Variants in EYS observed in about 807,000 individuals in gnomAD.
The protein encoded by EYS is EGF-like photoreceptor maintenance factor.
In EYS, 250 loss-of-function variants were observed where a neutral mutation model predicts 282.1. That is an observed-to-expected ratio of 0.89 (90% confidence interval 0.80 to 0.98). EYS has a LOEUF of 0.98. Among genes scored for constraint, EYS ranks in the 50% least tolerant of loss-of-function variants. The pLI is 0.00. For synonymous variants in EYS, 1,355 were observed against 1,282.9 expected (o/e 1.06, Z -1.20); for missense variants, 4,016 against 3,709.0 (o/e 1.08, Z -2.15).
intron 12 of EYS, among the ~76,000 whole-genome samples, chr6:65,150,849 TTCTA>T (rs1764595337): frequency 6.6e-6 from 1 of 151,988 alleles, no homozygotes; most frequent in African/African-American, 2.4e-5. Context: ...TTATTACCAA[TTCTA>T]TCTATTTGCT....
At chr6:64,237,158 C>T (rs1766635934) in intron 30 of EYS, among the ~76,000 whole-genome samples, 1 of 152,078 alleles carries the variant, frequency 6.6e-6, no homozygotes, top group Non-Finnish European at 1.5e-5. Flanking sequence ...AAACTAGAAA[C>T]TTGCTGTTGT....
chr6:65,428,828 T>C (rs1767762154), intron 5 of EYS, among the ~76,000 whole-genome samples: 1 of 152,252 alleles, frequency 6.6e-6, no homozygotes, highest in Admixed American at 6.5e-5. Context: ...AGAAACACTG[T>C]GCTTCATTGC....
At chr6:64,589,655 T>A (rs753468922) in intron 26 of EYS, among the ~76,000 whole-genome samples, 1 of 152,072 alleles carries the variant, frequency 6.6e-6, no homozygotes, top group South Asian at 2.1e-4. Context: ...ACAGATATTA[T>A]CTCCTTCAAT....
At chr6:64,616,064 G>A (rs1351271849) in intron 24 of EYS, among the ~76,000 whole-genome samples, 1 of 152,036 alleles carries the variant, frequency 6.6e-6, no homozygotes, top group Non-Finnish European at 1.5e-5. Context: ...AAATTTTATA[G>A]ATATTTGGTA....
chr6:64,896,910 C>T (rs1431735218), intron 18 of EYS, among the ~76,000 whole-genome samples: 3 of 152,144 alleles, frequency 2.0e-5, no homozygotes, highest in South Asian at 2.1e-4. Context: ...CTCTAGATAC[C>T]TCCTCTCTGG....
chr6:64,213,632 A>C (rs147622993), intron 31 of EYS, among the ~76,000 whole-genome samples: 76 of 152,308 alleles, frequency 5.0e-4, no homozygotes, highest in African/African-American at 1.8e-3. Context: ...CTTTGAATTA[A>C]ATGTAGATAA....
At chr6:64,936,983 T>G (rs1330716605) in intron 15 of EYS, among the ~76,000 whole-genome samples, 2 of 151,416 alleles carry the variant, frequency 1.3e-5, no homozygotes, top group Non-Finnish European at 3.0e-5. Flanking sequence ...GAATAGAGGG[T>G]CTAGAAATCC....
chr6:64,877,507 G>A (rs978909327), intron 19 of EYS, among the ~76,000 whole-genome samples: 3 of 152,166 alleles, frequency 2.0e-5, no homozygotes, highest in Non-Finnish European at 4.4e-5. Context: ...TCCACTAATA[G>A]TAAGAGAAAA....
chr6:64,451,598 CA>C (rs1775347195), intron 26 of EYS, among the ~76,000 whole-genome samples: 1 of 152,056 alleles, frequency 6.6e-6, no homozygotes. Context: ...AACATTGATG[CA>C]AAAATCCTCA....
intron 14 of EYS, among the ~76,000 whole-genome samples, chr6:64,951,345 T>C (rs1769502154): frequency 1.3e-5 from 2 of 152,028 alleles, no homozygotes; most frequent in South Asian, 2.1e-4. Context: ...TTTAACGGCA[T>C]GAAAACCATA....
chr6:65,325,053 C>T (rs955121718), intron 11 of EYS, among the ~76,000 whole-genome samples: 8 of 152,184 alleles, frequency 5.3e-5, no homozygotes, highest in African/African-American at 1.9e-4. Flanking sequence ...GCACCATTGG[C>T]ACAGGTACAC....
chr6:65,592,838 A>G (rs1331201), intron 2 of EYS, among the ~76,000 whole-genome samples: 1,964 of 152,120 alleles, frequency 0.013, 43 homozygotes, highest in African/African-American at 0.045. Flanking sequence ...TGAGCAGTAC[A>G]ACATGTTTAT....
intron 35 of EYS, among the ~76,000 whole-genome samples, chr6:63,891,697 C>A (rs1039231058): frequency 6.6e-6 from 1 of 152,156 alleles, no homozygotes; most frequent in Non-Finnish European, 1.5e-5. Context: ...CTCTCTTTCA[C>A]CATTCCATTT....
intron 31 of EYS, among the ~76,000 whole-genome samples, chr6:64,091,111 A>G (rs1772343076): frequency 6.6e-6 from 1 of 152,166 alleles, no homozygotes; most frequent in South Asian, 2.1e-4. Flanking sequence ...TTGAACATTC[A>G]TTAATTTTGA....
intron 35 of EYS, among the ~76,000 whole-genome samples, chr6:63,940,101 TC>T (rs1765188090): frequency 6.6e-6 from 1 of 152,216 alleles, no homozygotes; most frequent in African/African-American, 2.4e-5. Flanking sequence ...CTCCTGTGGT[TC>T]TTGCATATTT....
chr6:65,035,125 C>T (rs1415066538), intron 13 of EYS, among the ~76,000 whole-genome samples: 1 of 152,018 alleles, frequency 6.6e-6, no homozygotes, highest in African/African-American at 2.4e-5. Context: ...ATGATCATCT[C>T]AATAGATACA....
chr6:64,938,825 AT>A (rs1768997809), intron 15 of EYS, among the ~76,000 whole-genome samples: 1 of 151,720 alleles, frequency 6.6e-6, no homozygotes, highest in South Asian at 2.1e-4. Flanking sequence ...TATCAGAAAA[AT>A]AACCCTATTG....
intron 2 of EYS, among the ~76,000 whole-genome samples, chr6:65,545,732 C>T (rs926940614): frequency 3.3e-5 from 5 of 151,984 alleles, no homozygotes; most frequent in African/African-American, 9.7e-5. Context: ...AAGCAATGAA[C>T]AAACATGGAA....
intron 2 of EYS, among the ~76,000 whole-genome samples, chr6:65,600,133 GGTAGT>G (rs1460367418): frequency 2.6e-5 from 4 of 152,034 alleles, no homozygotes; most frequent in African/African-American, 9.7e-5. Flanking sequence ...GGGGATAGCA[GGTAGT>G]GATTCCTAAC....
Sources: allele counts gnomAD v4.1 joint callset (sites outside exome capture counted in the v4.1 genomes callset), GRCh38; gene constraint gnomAD v4.1.1; transcripts MANE v1.5; gene names NCBI Gene and HGNC (gene_info 2026-07-23, HGNC 2026-07-21).